Variants in ZNF423 observed in about 807,000 individuals in gnomAD.
The protein encoded by ZNF423 is Ebf-associated zinc finger protein.
Under a neutral mutation model 95.8 loss-of-function variants are expected in ZNF423, and 12 were observed. The observed-to-expected ratio is 0.13, with a 90% CI of 0.08 to 0.20. ZNF423 has a LOEUF of 0.20. Ranked by LOEUF, ZNF423 falls within the 10% of genes least tolerant of loss-of-function variation. ZNF423 has a pLI of 1.00. For missense variants in ZNF423, 1,316 were observed against 1,737.1 expected, an observed-to-expected ratio of 0.76 and a Z score of 4.31; for synonymous variants, 749 against 711.9, an observed-to-expected ratio of 1.05 and a Z score of -0.83.
chr16:49,763,195 A>T (rs1414671559), intron 2 of ZNF423, among the ~76,000 whole-genome samples: 1 of 152,156 alleles, frequency 6.6e-6, no homozygotes, highest in East Asian at 1.9e-4. Flanking sequence ...TTTAACTCAC[A>T]AATCTTAAGC....
chr16:49,502,784 A>C (rs1967459250), intron 7 of ZNF423, among the ~76,000 whole-genome samples: 1 of 141,592 alleles, frequency 7.1e-6, no homozygotes, highest in Admixed American at 7.0e-5. Flanking sequence ...ACACACAAAT[A>C]CTCTAGACAC....
chr16:49,699,029 A>C (rs1401340363), intron 3 of ZNF423, among the ~76,000 whole-genome samples: 1 of 152,164 alleles, frequency 6.6e-6, no homozygotes, highest in Non-Finnish European at 1.5e-5. Context: ...ACCAAAATCA[A>C]TGTGCACTCA....
In ZNF423 at chr16:49,615,130, T is replaced by TCACACACACACACA. The variant is rs61428028; in HGVS notation, c.3601+11026_3601+11039dup. 7.1e-3 allele frequency among the ~76,000 whole-genome samples: 1,009 copies of TCACACACACACACA among 141,220 alleles called. 5 individuals are homozygous for TCACACACACACACA. The highest frequency in any genetic ancestry group is 8.1e-3 in the African/African-American group (296 of 36,768). The allele number at this position is 141,220 out of a possible 152,430, so 92.6% of individuals were successfully genotyped here. ...TGGGCAACAAGAAAGAAACTCCATC[T>TCACACACACACACA]CACACACACACACACACACACACAC... On this transcript the variant is annotated intron_variant, in intron 5 of 7. Coordinates refer to ENST00000563137, the MANE Select transcript of ZNF423 (RefSeq NM_001379286.1).
intron 2 of ZNF423, among the ~76,000 whole-genome samples, chr16:49,779,281 T>G (rs1427638854): frequency 6.6e-6 from 1 of 151,788 alleles, no homozygotes; most frequent in African/African-American, 2.4e-5. Context: ...GCGGGAGCAC[T>G]GAGGGCCAGG....
chr16:49,557,349 C>T (rs1260416940), intron 5 of ZNF423, among the ~76,000 whole-genome samples: 1 of 152,210 alleles, frequency 6.6e-6, no homozygotes, highest in Non-Finnish European at 1.5e-5. Flanking sequence ...CTCCTCCTCC[C>T]CGGGTTGGCT....
At chr16:49,780,414 G>A (rs1323439732) in intron 2 of ZNF423, 1 of 152,286 alleles carries the variant, frequency 6.6e-6, no homozygotes, top group African/African-American at 2.4e-5. Flanking sequence ...AGGGGTGCTG[G>A]AGCCTCCCCC....
intron 1 of ZNF423, among the ~76,000 whole-genome samples, chr16:49,833,596 C>T (rs1375799623): frequency 1.3e-5 from 2 of 151,956 alleles, no homozygotes; most frequent in Admixed American, 6.6e-5. Flanking sequence ...CCCCTCCCAC[C>T]TCCCACCCCC....
chr16:49,533,188 C>T (rs1455651289), intron 5 of ZNF423, among the ~76,000 whole-genome samples: 1 of 152,210 alleles, frequency 6.6e-6, no homozygotes, highest in Non-Finnish European at 1.5e-5. Context: ...TCCTTGATTC[C>T]AGCATCTGAC....
At chr16:49,505,335 A>C (rs1967587428) in intron 7 of ZNF423, among the ~76,000 whole-genome samples, 1 of 152,240 alleles carries the variant, frequency 6.6e-6, no homozygotes, top group Non-Finnish European at 1.5e-5. Context: ...AAATGATATA[A>C]GGAAACTTTG....
chr16:49,531,911 C>A (rs1256765973), intron 5 of ZNF423, among the ~76,000 whole-genome samples: 1 of 152,078 alleles, frequency 6.6e-6, no homozygotes. Flanking sequence ...TCAGGCCTGC[C>A]CCAGAGCTGC....
chr16:49,524,854 C>T (rs960390200), intron 6 of ZNF423, among the ~76,000 whole-genome samples: 3 of 152,214 alleles, frequency 2.0e-5, no homozygotes, highest in Middle Eastern at 3.2e-3. Context: ...GACAGCCATT[C>T]GCCTGGGCCG....
intron 1 of ZNF423, among the ~76,000 whole-genome samples, chr16:49,829,555 C>T (rs981819624): frequency 6.6e-6 from 1 of 152,202 alleles, no homozygotes; most frequent in Admixed American, 6.5e-5. Context: ...ATCCATGTTG[C>T]CCCCTGGCTT....
chr16:49,742,363 G>A (rs1265931302), intron 2 of ZNF423, among the ~76,000 whole-genome samples: 2 of 152,146 alleles, frequency 1.3e-5, no homozygotes, highest in East Asian at 3.9e-4. Flanking sequence ...GGAAGCAGGG[G>A]GGAGAAAAAT....
intron 5 of ZNF423, among the ~76,000 whole-genome samples, chr16:49,528,902 C>G (rs577294046): frequency 2.6e-5 from 4 of 152,078 alleles, no homozygotes; most frequent in Non-Finnish European, 5.9e-5. Context: ...ACTCTCACCC[C>G]GCAGGCGCTG....
intron 3 of ZNF423, among the ~76,000 whole-genome samples, chr16:49,661,118 G>A (rs1040349356): frequency 1.3e-5 from 2 of 151,756 alleles, no homozygotes; most frequent in African/African-American, 2.4e-5. Context: ...CTACTCAGGA[G>A]GCTGAAGCAG....
chr16:49,597,647 T>A (rs1428092274), intron 5 of ZNF423, among the ~76,000 whole-genome samples: 1 of 152,106 alleles, frequency 6.6e-6, no homozygotes, highest in African/African-American at 2.4e-5. Context: ...GCCTGCCTGG[T>A]GTCCATGCAT....
chr16:49,546,036 T>C (rs975712980), intron 5 of ZNF423, among the ~76,000 whole-genome samples: 4 of 152,206 alleles, frequency 2.6e-5, no homozygotes, highest in African/African-American at 7.2e-5. Context: ...AATTCAACAC[T>C]TAATTTCTGT....
chr16:49,659,790 C>T (rs550464775), intron 3 of ZNF423, among the ~76,000 whole-genome samples: 16 of 152,320 alleles, frequency 1.1e-4, no homozygotes, highest in African/African-American at 3.8e-4. Context: ...GAGATGCCAC[C>T]CCCAGCCCAG....
At chr16:49,671,417 A>G (rs928255463) in intron 3 of ZNF423, among the ~76,000 whole-genome samples, 1 of 152,204 alleles carries the variant, frequency 6.6e-6, no homozygotes, top group East Asian at 1.9e-4. Context: ...ATGAGGTCCC[A>G]AGCACGCGTC....
Sources: gnomAD v4.1 joint callset for allele counts (sites outside exome capture counted in the v4.1 genomes callset) on GRCh38, gnomAD v4.1.1 for gene constraint, MANE v1.5 for transcripts, NCBI Gene and HGNC (gene_info 2026-07-23, HGNC 2026-07-21) for gene names.